Variants in ENKUR observed in about 807,000 individuals in gnomAD.
The protein encoded by ENKUR is enkurin.
ENKUR carries 19 observed loss-of-function variants against 27.6 expected under a neutral mutation model. The observed-to-expected ratio is 0.69, with a 90% CI of 0.48 to 1.01. ENKUR has a LOEUF of 1.01. ENKUR is among the 50% of genes least tolerant of loss of function. The probability of loss-of-function intolerance (pLI) is 0.00; values close to 1 mark genes in which losing one functional copy is unlikely to be tolerated. For missense variants in ENKUR, 312 were observed against 310.5 expected (o/e 1.00, Z -0.04); for synonymous variants, 117 against 96.9 (o/e 1.21, Z -1.22).
At chr10:25,024,058 G>A (rs1486379455) in intron 2 of ENKUR, 1 of 1,614,070 alleles carries the variant, frequency 6.2e-7, no homozygotes, top group African/African-American at 1.3e-5. Flanking sequence ...AAGCTGCGGG[G>A]AGTGGAAAAG....
intron 2 of ENKUR, among the ~76,000 whole-genome samples, chr10:25,052,403 A>G (rs917933107): frequency 7.2e-5 from 11 of 152,184 alleles, no homozygotes; most frequent in Non-Finnish European, 1.5e-4. Context: ...TATTATGGTA[A>G]GATATATAAT....
intron 2 of ENKUR, among the ~76,000 whole-genome samples, chr10:25,048,485 AGGGAC>A (rs896098818): frequency 6.6e-6 from 1 of 151,974 alleles, no homozygotes; most frequent in African/African-American, 2.4e-5. Context: ...TGAGTTATAA[AGGGAC>A]GGGTAATGGG....
intron 2 of ENKUR, among the ~76,000 whole-genome samples, chr10:25,047,247 G>A (rs1201206326): frequency 6.6e-6 from 1 of 152,114 alleles, no homozygotes; most frequent in Non-Finnish European, 1.5e-5. Flanking sequence ...CAGCAAGCAG[G>A]ATTCAACATC....
At chr10:25,032,963 G>A (rs1850954043) in intron 2 of ENKUR, among the ~76,000 whole-genome samples, 1 of 152,028 alleles carries the variant, frequency 6.6e-6, no homozygotes, top group Admixed American at 6.5e-5. Flanking sequence ...GCTTAAACTT[G>A]TTGAGAGTTA....
At chr10:24,986,024 C>T (rs1004745729) in intron 4 of ENKUR, among the ~76,000 whole-genome samples, 2 of 152,078 alleles carry the variant, frequency 1.3e-5, no homozygotes, top group East Asian at 1.9e-4. Flanking sequence ...GCGATGATTG[C>T]GCCACTGCAC....
intron 1 of ENKUR, among the ~76,000 whole-genome samples, chr10:25,015,529 A>AT (rs936950096): frequency 6.6e-6 from 1 of 152,156 alleles, no homozygotes; most frequent in South Asian, 2.1e-4. Flanking sequence ...TAGAATTGTG[A>AT]TTTTTTTCTT....
intron 2 of ENKUR, among the ~76,000 whole-genome samples, chr10:25,022,524 A>T (rs891687264): frequency 1.3e-5 from 2 of 152,226 alleles, no homozygotes; most frequent in Non-Finnish European, 2.9e-5. Context: ...TGTAACAATG[A>T]TTCTTAATAT....
intron 1 of ENKUR, among the ~76,000 whole-genome samples, chr10:25,013,574 C>A (rs1588666035): frequency 6.6e-6 from 1 of 152,280 alleles, no homozygotes; most frequent in East Asian, 1.9e-4. Context: ...ACTGTTCAGA[C>A]CATAACTGGA....
intron 1 of ENKUR, among the ~76,000 whole-genome samples, chr10:25,002,029 A>G (rs1198653887): frequency 1.3e-5 from 2 of 152,062 alleles, no homozygotes; most frequent in African/African-American, 4.8e-5. Context: ...GGATTCAGTT[A>G]TGATAGTTGG....
At chr10:24,989,210 C>T (rs781765828) in intron 4 of ENKUR, among the ~76,000 whole-genome samples, 4 of 152,294 alleles carry the variant, frequency 2.6e-5, no homozygotes, top group African/African-American at 9.6e-5. Flanking sequence ...GGGCCACAGA[C>T]GAGAACTCTC....
Position 24,999,402 on chromosome 10 carries a change from G to A in ENKUR, c.222C>T (p.Pro74=). ...KKHSKEKTLP[P]KKNFDRNVPK... The stretch of plus-strand genomic sequence containing the variant: ...AAAATAAAGCATGATAAAACCTACT[G>A]GGTGGTAGAGTTTTTTCCTTTGAAT... Residue 74 remains proline (P), a splice_region_variant and synonymous_variant, in exon 2 of 6, where the codon CCC becomes CCT. Transcript: ENST00000331161. 1 of 1,603,022 alleles carries A rather than the reference G, an allele frequency of 6.2e-7. No individual in the cohort carries two copies. Among genetic ancestry groups the A allele is most frequent in the Non-Finnish European group, 8.5e-7 (1 of 1,177,130 alleles).
chr10:24,988,664 GTATATA>G (rs66687937), intron 4 of ENKUR, among the ~76,000 whole-genome samples: 8 of 98,870 alleles, frequency 8.1e-5, no homozygotes, highest in South Asian at 3.3e-4. Flanking sequence ...CACAGCATAT[GTATATA>G]TATATATATA....
At chr10:25,045,168 T>G (rs978042340) in intron 2 of ENKUR, among the ~76,000 whole-genome samples, 1 of 152,214 alleles carries the variant, frequency 6.6e-6, no homozygotes, top group African/African-American at 2.4e-5. Context: ...TTTGATTTAT[T>G]TTTATTTTGT....
chr10:25,055,330 T>TAA (rs761014079), intron 2 of ENKUR, among the ~76,000 whole-genome samples: 1 of 140,086 alleles, frequency 7.1e-6, no homozygotes, highest in Non-Finnish European at 1.6e-5. Context: ...AGGCCACTTC[T>TAA]AAAAAAAAAA....
At chr10:25,028,651 G>C (rs1850897985) in intron 2 of ENKUR, among the ~76,000 whole-genome samples, 1 of 152,130 alleles carries the variant, frequency 6.6e-6, no homozygotes, top group African/African-American at 2.4e-5. Context: ...TCAAGATAAA[G>C]CTCTTCACAG....
chr10:25,023,065 T>G (rs1293116293), intron 2 of ENKUR: 2 of 704,904 alleles, frequency 2.8e-6, no homozygotes, highest in Non-Finnish European at 4.6e-6. Flanking sequence ...TTAAACAGTT[T>G]ATGTACCATG....
rs1182685602 is a variant in ENKUR, at chr10:25,024,217, C to T, written c.38-28348G>A. Reference sequence around the variant, plus strand: ...CTGCTCAAAAATTGCTCCTGTCAGGCACCTTTCAGGCAACCAGTTCATCCT... The same window carrying T: ...CTGCTCAAAAATTGCTCCTGTCAGGTACCTTTCAGGCAACCAGTTCATCCT... On this transcript the variant is annotated intron_variant, in intron 2 of 5. Coordinates refer to the ENKUR transcript ENST00000615958. The T allele has an allele frequency of 1.9e-6, 3 of 1,614,076 alleles. No homozygotes were observed. In the African/African-American group the frequency reaches 4.0e-5, roughly 22 times the overall value.
chr10:25,032,318 G>GA (rs1051147670), intron 2 of ENKUR, among the ~76,000 whole-genome samples: 3 of 149,786 alleles, frequency 2.0e-5, no homozygotes, highest in African/African-American at 7.4e-5. Flanking sequence ...TAAAGAAGGG[G>GA]GGGGGGCTAT....
rs1371573202 is a variant in ENKUR, at chr10:25,042,268, A to AT, written c.37+18843dup. ...AATTTTCTGTACTATCTTTGGAAAGATTTTTTTTTTTTGAGTCAGAGTCTC... is the reference window on the plus strand; with the variant it reads ...AATTTTCTGTACTATCTTTGGAAAGATTTTTTTTTTTTTGAGTCAGAGTCTC... On this transcript the variant is annotated intron_variant, in intron 2 of 5. Coordinates refer to the ENKUR transcript ENST00000615958. 1.9e-3 allele frequency among the ~76,000 whole-genome samples: 271 copies of AT among 141,938 alleles called. 2 individuals carry two copies. Among genetic ancestry groups the AT allele is most frequent in the African/African-American group, 5.5e-3 (212 of 38,524 alleles). 93.1% of individuals were successfully genotyped at this position (141,938 alleles called of 152,430 possible).
Sources: gnomAD v4.1 joint callset for allele counts (sites outside exome capture counted in the v4.1 genomes callset) on GRCh38, gnomAD v4.1.1 for gene constraint, MANE v1.5 for transcripts, NCBI Gene and HGNC (gene_info 2026-07-23, HGNC 2026-07-21) for gene names.